PCDH15: variants seen among roughly 807,000 people sequenced by gnomAD.
PCDH15 encodes protocadherin related 15.
In PCDH15, 129 loss-of-function variants were observed where a neutral mutation model predicts 178.5. The observed-to-expected ratio is 0.72, with a 90% CI of 0.63 to 0.84. The LOEUF (loss-of-function observed/expected upper bound fraction) is 0.84. PCDH15 is among the 40% of genes least tolerant of loss of function. The pLI is 0.00. For missense variants in PCDH15, 2,230 were observed against 2,099.9 expected (o/e 1.06, Z -1.21); for synonymous variants, 800 against 732.0 (o/e 1.09, Z -1.50).
At chr10:55,156,857 A>G (rs972054895) in intron 2 of PCDH15, among the ~76,000 whole-genome samples, 2 of 152,146 alleles carry the variant, frequency 1.3e-5, no homozygotes, top group Non-Finnish European at 2.9e-5. Flanking sequence ...AGTGTTATGC[A>G]TATAAATTTG....
At chr10:53,849,708 T>TA (rs1446566651) in intron 28 of PCDH15, among the ~76,000 whole-genome samples, 1 of 151,042 alleles carries the variant, frequency 6.6e-6, no homozygotes, top group South Asian at 2.1e-4. Context: ...ACTAAAAATA[T>TA]AAAAAATTAG....
chr10:55,012,483 T>C lies in PCDH15; in HGVS notation c.-79-114983A>G, dbSNP rs549818570. Among the ~76,000 whole-genome samples the C allele has an allele frequency of 4.1e-4, 63 of 152,264 alleles. No individual in the cohort carries two copies. The South Asian group carries it at 0.012, about 30-fold the overall frequency. On this transcript the variant is annotated intron_variant, in intron 2 of 5. Transcript: ENST00000458638. ...AAAGCCAATGTTTCAAAATTTGTTT[T>C]TGCTTAGTAATTCCATTTCTTCAGC...
At chr10:54,561,389 T>C (rs1025755635) in intron 2 of PCDH15, among the ~76,000 whole-genome samples, 2 of 152,168 alleles carry the variant, frequency 1.3e-5, no homozygotes, top group African/African-American at 4.8e-5. Flanking sequence ...AGATATGTAA[T>C]ATCTATCAAT....
At chr10:54,512,683 A>T (rs940021184) in intron 3 of PCDH15, among the ~76,000 whole-genome samples, 41 of 152,270 alleles carry the variant, frequency 2.7e-4, no homozygotes, top group African/African-American at 9.4e-4. Context: ...AAAAATATTT[A>T]CTCATGCAGA....
chr10:54,342,736 G>A (rs1942487009), intron 6 of PCDH15, among the ~76,000 whole-genome samples: 2 of 152,174 alleles, frequency 1.3e-5, no homozygotes, highest in African/African-American at 4.8e-5. Context: ...GCAGTACCCT[G>A]CAGAGCCACA....
intron 6 of PCDH15, among the ~76,000 whole-genome samples, chr10:54,344,967 TA>T (rs1244224925): frequency 1.5e-5 from 2 of 132,462 alleles, no homozygotes; most frequent in African/African-American, 3.0e-5. Context: ...TAATAAAATG[TA>T]TATATATATA....
chr10:54,009,238 C>T (rs1053346344), intron 20 of PCDH15, among the ~76,000 whole-genome samples: 1 of 151,968 alleles, frequency 6.6e-6, no homozygotes, highest in Non-Finnish European at 1.5e-5. Flanking sequence ...GAAATAGACA[C>T]ATTTCTTACC....
intron 2 of PCDH15, among the ~76,000 whole-genome samples, chr10:55,153,818 C>G (rs191147284): frequency 1.3e-5 from 2 of 152,240 alleles, no homozygotes; most frequent in East Asian, 1.9e-4. Flanking sequence ...CACTTTAGAG[C>G]CTAAATGTTG....
intron 3 of PCDH15, among the ~76,000 whole-genome samples, chr10:54,895,006 C>T (rs887502084): frequency 6.6e-6 from 1 of 152,186 alleles, no homozygotes; most frequent in East Asian, 1.9e-4. Context: ...ATATTCATCA[C>T]TCTGACAGCA....
rs948339218 is a variant in PCDH15, at chr10:54,043,742, C to G, written c.2221-20545G>C. Among the ~76,000 whole-genome samples the G allele has an allele frequency of 2.0e-5, 3 of 152,020 alleles. No individual in the cohort carries two copies. In the South Asian group the frequency reaches 6.2e-4, roughly 32 times the overall value. ...CAACTCCCTGACAAGTCTTCCACAC[C>G]AGTATTGGTAGGGAAGGAGAGCTGG... On this transcript the variant is annotated intron_variant, in intron 18 of 37. Transcript: ENST00000644397.
At chr10:54,522,940 T>G (rs1229443897) in intron 3 of PCDH15, among the ~76,000 whole-genome samples, 1 of 152,200 alleles carries the variant, frequency 6.6e-6, no homozygotes, top group Non-Finnish European at 1.5e-5. Context: ...ACTATTGTCT[T>G]TCTTACTCAA....
intron 1 of PCDH15, among the ~76,000 whole-genome samples, chr10:54,754,302 A>G (rs1340104276): frequency 6.6e-6 from 1 of 152,194 alleles, no homozygotes; most frequent in Non-Finnish European, 1.5e-5. Flanking sequence ...ATCAACGAAC[A>G]TTGAGCCAAG....
chr10:54,631,884 C>T (rs1031394355), intron 2 of PCDH15, among the ~76,000 whole-genome samples: 4 of 152,106 alleles, frequency 2.6e-5, no homozygotes, highest in African/African-American at 7.2e-5. Flanking sequence ...TCACACACTT[C>T]GCGAGAACAG....
intron 9 of PCDH15, among the ~76,000 whole-genome samples, chr10:54,227,042 T>C (rs1398356119): frequency 1.3e-5 from 2 of 152,174 alleles, no homozygotes; most frequent in Admixed American, 1.3e-4. Context: ...TCTGTAGTTT[T>C]TCCAGAGGTA....
At chr10:55,266,468 T>C (rs1431704315) in intron 1 of PCDH15, among the ~76,000 whole-genome samples, 1 of 152,152 alleles carries the variant, frequency 6.6e-6, no homozygotes, top group Non-Finnish European at 1.5e-5. Context: ...GGCAGGTCCC[T>C]CGTGAGGGCT....
chr10:53,941,505 T>G (rs1467186637), intron 23 of PCDH15, among the ~76,000 whole-genome samples: 1 of 152,208 alleles, frequency 6.6e-6, no homozygotes, highest in African/African-American at 2.4e-5. Context: ...ATTGCTTATT[T>G]CATTTTTAGC....
At chr10:55,257,234 T>G (rs1304103395) in intron 1 of PCDH15, among the ~76,000 whole-genome samples, 1 of 151,904 alleles carries the variant, frequency 6.6e-6, no homozygotes, top group Non-Finnish European at 1.5e-5. Context: ...TATGCCACCA[T>G]CATCAAAGAC....
At chr10:54,238,960 G>T (rs2054936732) in intron 8 of PCDH15, among the ~76,000 whole-genome samples, 1 of 151,978 alleles carries the variant, frequency 6.6e-6, no homozygotes. Flanking sequence ...GCTCTATTTG[G>T]ATCCTGTAAA....
At chr10:54,565,931 A>G (rs1167591982) in intron 2 of PCDH15, among the ~76,000 whole-genome samples, 1 of 152,104 alleles carries the variant, frequency 6.6e-6, no homozygotes, top group Non-Finnish European at 1.5e-5. Flanking sequence ...CTAAAAGTAC[A>G]AAATTAGCCA....
Sources: allele counts gnomAD v4.1 joint callset (sites outside exome capture counted in the v4.1 genomes callset), GRCh38; gene constraint gnomAD v4.1.1; transcripts MANE v1.5; gene names NCBI Gene and HGNC (gene_info 2026-07-23, HGNC 2026-07-21).